The following JARID2 variants were observed in gnomAD, a reference collection of about 807,000 sequenced individuals.
JARID2 encodes the protein protein Jumonji.
A neutral mutation model predicts 125.6 loss-of-function variants in JARID2; 21 were observed. The ratio of observed to expected loss-of-function variants is 0.17; its 90% CI spans 0.12 to 0.24. The LOEUF (loss-of-function observed/expected upper bound fraction) is 0.24. Among genes scored for constraint, JARID2 ranks in the 10% least tolerant of loss-of-function variants. The probability of loss-of-function intolerance (pLI) is 1.00; values close to 1 mark genes in which losing one functional copy is unlikely to be tolerated. For synonymous variants in JARID2, 736 were observed against 661.6 expected (o/e 1.11, Z -1.73); for missense variants, 1,303 against 1,639.6 (o/e 0.79, Z 3.55).
At chr6:15,498,809 A>C (rs922575198) in intron 7 of JARID2, among the ~76,000 whole-genome samples, 75 of 152,354 alleles carry the variant, frequency 4.9e-4, no homozygotes, top group African/African-American at 1.8e-3. Flanking sequence ...GGCTCTGCAC[A>C]CGCGTGCACC....
chr6:15,428,611 T>A (rs1013037759), intron 3 of JARID2, among the ~76,000 whole-genome samples: 1 of 152,136 alleles, frequency 6.6e-6, no homozygotes, highest in South Asian at 2.1e-4. Flanking sequence ...CATGCAATGA[T>A]AGAATCTTCT....
chr6:15,389,194 T>C (rs1469516608), intron 2 of JARID2, among the ~76,000 whole-genome samples: 3 of 152,232 alleles, frequency 2.0e-5, no homozygotes, highest in East Asian at 3.8e-4. Flanking sequence ...TTTTATTTTT[T>C]CTGTTGCCCA....
chr6:15,323,996 C>T (rs1031934830), intron 1 of JARID2, among the ~76,000 whole-genome samples: 3 of 151,280 alleles, frequency 2.0e-5, no homozygotes, highest in Admixed American at 1.3e-4. Flanking sequence ...TCCTGGCTAA[C>T]ATGGTGAAAC....
intron 1 of JARID2, among the ~76,000 whole-genome samples, chr6:15,321,219 G>A (rs1762343155): frequency 6.6e-6 from 1 of 152,094 alleles, no homozygotes; most frequent in Non-Finnish European, 1.5e-5. Context: ...AGTATAATCA[G>A]TATAATCATA....
intron 1 of JARID2, among the ~76,000 whole-genome samples, chr6:15,273,484 C>A (rs1204711117): frequency 6.6e-6 from 1 of 152,148 alleles, no homozygotes; most frequent in Admixed American, 6.5e-5. Flanking sequence ...GGTGGATCAC[C>A]TGAGGTCAGG....
At chr6:15,518,299 A>G (rs974727320) in intron 17 of JARID2, among the ~76,000 whole-genome samples, 1 of 152,188 alleles carries the variant, frequency 6.6e-6, no homozygotes, top group South Asian at 2.1e-4. Flanking sequence ...TCTCACCAGC[A>G]GCCTGTTTCT....
At chr6:15,255,806 C>T (rs1478018771) in intron 1 of JARID2, among the ~76,000 whole-genome samples, 1 of 152,160 alleles carries the variant, frequency 6.6e-6, no homozygotes, top group East Asian at 1.9e-4. Flanking sequence ...TTCTGTTAAG[C>T]AGCAGACTTT....
chr6:15,370,708 C>T (rs1241546460), intron 1 of JARID2, among the ~76,000 whole-genome samples: 1 of 152,116 alleles, frequency 6.6e-6, no homozygotes, highest in Non-Finnish European at 1.5e-5. Context: ...ATAGCCACAG[C>T]AGAGTTAGCA....
chr6:15,314,503 T>A (rs1043806399), intron 1 of JARID2, among the ~76,000 whole-genome samples: 2 of 152,180 alleles, frequency 1.3e-5, no homozygotes, highest in African/African-American at 4.8e-5. Flanking sequence ...CAAATTATGA[T>A]TTGTGGTGTT....
intron 2 of JARID2, among the ~76,000 whole-genome samples, chr6:15,403,999 C>G (rs974684571): frequency 8.5e-5 from 13 of 152,152 alleles, no homozygotes; most frequent in Non-Finnish European, 5.9e-5. Context: ...CCCTAGTCGG[C>G]TCAGGGGCTG....
intron 1 of JARID2, among the ~76,000 whole-genome samples, chr6:15,315,366 G>A (rs925219291): frequency 6.6e-6 from 1 of 152,156 alleles, no homozygotes; most frequent in Non-Finnish European, 1.5e-5. Flanking sequence ...GATTAATTAC[G>A]AAGGTTGATG....
chr6:15,504,071 G>A (rs533313330), intron 8 of JARID2, among the ~76,000 whole-genome samples: 2 of 152,336 alleles, frequency 1.3e-5, no homozygotes, highest in East Asian at 3.9e-4. Flanking sequence ...CTTCTCTCCT[G>A]TGGGATCCCT....
intron 3 of JARID2, among the ~76,000 whole-genome samples, chr6:15,423,668 T>G (rs1242828547): frequency 6.6e-6 from 1 of 152,228 alleles, no homozygotes; most frequent in Non-Finnish European, 1.5e-5. Flanking sequence ...TACCTCTGTA[T>G]GCTTGACCTC....
intron 1 of JARID2, among the ~76,000 whole-genome samples, chr6:15,301,865 G>A (rs1490133272): frequency 6.6e-6 from 1 of 152,204 alleles, no homozygotes; most frequent in Admixed American, 6.5e-5. Flanking sequence ...TAGGGAAAGA[G>A]AACTACTTTT....
intron 1 of JARID2, chr6:15,368,684 G>A (rs193129212): frequency 1.2e-5 from 6 of 497,834 alleles, no homozygotes; most frequent in South Asian, 4.4e-5. Flanking sequence ...GGTGTTTTCC[G>A]CTGTGCTCTT....
chr6:15,482,476 T>C (rs543775496), intron 5 of JARID2, among the ~76,000 whole-genome samples: 4 of 152,354 alleles, frequency 2.6e-5, no homozygotes, highest in African/African-American at 9.6e-5. Flanking sequence ...TAAACACATA[T>C]AGCATTTTTT....
chr6:15,348,563 A>T (rs1021281302), intron 1 of JARID2, among the ~76,000 whole-genome samples: 3 of 151,676 alleles, frequency 2.0e-5, no homozygotes, highest in Non-Finnish European at 4.4e-5. Flanking sequence ...ACTTAATTAA[A>T]TTTTTTTTTC....
intron 1 of JARID2, among the ~76,000 whole-genome samples, chr6:15,319,501 G>A (rs1362565107): frequency 5.9e-5 from 9 of 152,104 alleles, no homozygotes; most frequent in South Asian, 4.1e-4. Context: ...GTGTTCAAGC[G>A]ATTCTTGTGC....
At chr6:15,512,625 A>G (rs531687243) in intron 14 of JARID2, among the ~76,000 whole-genome samples, 170 of 152,294 alleles carry the variant, frequency 1.1e-3, no homozygotes, top group Middle Eastern at 6.8e-3. Context: ...AGACCCCTCC[A>G]GTATTGGAAA....
Sources: gnomAD v4.1 joint callset for allele counts (sites outside exome capture counted in the v4.1 genomes callset) on GRCh38, gnomAD v4.1.1 for gene constraint, MANE v1.5 for transcripts, NCBI Gene and HGNC (gene_info 2026-07-23, HGNC 2026-07-21) for gene names.